The following CPE variants were observed in gnomAD, a reference collection of about 807,000 sequenced individuals.
CPE encodes the protein carbocypeptidase E.
CPE carries 17 observed loss-of-function variants against 53.5 expected under a neutral mutation model. The observed-to-expected ratio is 0.32, with a 90% CI of 0.22 to 0.48. The LOEUF (loss-of-function observed/expected upper bound fraction) is 0.48. CPE is among the 20% of genes least tolerant of loss of function. The pLI is 0.99. For missense variants in CPE, 524 were observed against 614.7 expected (o/e 0.85, Z 1.56); for synonymous variants, 226 against 228.8 (o/e 0.99, Z 0.11).
chr4:165,480,132 T>A (rs1732377796), intron 3 of CPE, among the ~76,000 whole-genome samples: 2 of 152,186 alleles, frequency 1.3e-5, no homozygotes, highest in Admixed American at 6.5e-5. Context: ...ATGCAAACTT[T>A]AAAAATTCTA....
chr4:165,437,375 C>G (rs1484343282), intron 1 of CPE, among the ~76,000 whole-genome samples: 2 of 152,156 alleles, frequency 1.3e-5, no homozygotes, highest in African/African-American at 4.8e-5. Flanking sequence ...TTTTTCAGAG[C>G]CTGCATCCTG....
At position 165,379,392 on chromosome 4, in the gene CPE, C is replaced by G; in HGVS notation, c.171C>G (p.Pro57=). ...TCTCCTTCGAGTACCACCGCTACCC[C>G]GAGCTGCGCGAGGCGCTCGTGTCCG... is the stretch of plus-strand genomic sequence containing the variant. ...DGISFEYHRY[P]ELREALVSVW... is the part of the protein sequence containing the mutation. The change falls in exon 1 of 9, where the codon CCC becomes CCG. Residue 57 remains proline, a synonymous_variant. Transcript: ENST00000402744. The surrounding 1 kb of genome is among the most constrained non-coding windows in gnomAD (Gnocchi z 6.0). 5 of 1,609,328 alleles carry G rather than the reference C, an allele frequency of 3.1e-6. No homozygotes were observed. The highest frequency in any genetic ancestry group is 4.2e-6 in the Non-Finnish European group (5 of 1,178,792).
chr4:165,423,857 T>A lies in CPE; in HGVS notation c.308-40533T>A, dbSNP rs536012371. 5.6e-5 allele frequency among the ~76,000 whole-genome samples: 8 copies of A among 144,050 alleles called. No individual in the cohort carries two copies. In the East Asian group the frequency reaches 1.7e-3, roughly 31 times the overall value. The allele number at this position is 144,050 out of a possible 152,430, so 94.5% of individuals were successfully genotyped here. A position where few individuals can be genotyped will look rare whatever the true frequency, so the allele number is the denominator to read the frequency against. On this transcript the variant is annotated intron_variant, in intron 1 of 8. Transcript: ENST00000402744. The stretch of plus-strand genomic sequence containing the variant: ...CCCTTCCTGTGTCCATATGTTCTCA[T>A]TGTTCAATTCCCACCTATGAGTGAG...
At position 165,464,603 on chromosome 4, in the gene CPE, T is replaced by C; in HGVS notation, c.504+17T>C. 6.3e-7 allele frequency: 1 copy of C among 1,590,790 alleles called. No individual in the cohort carries two copies. The highest frequency in any genetic ancestry group is 1.1e-5 in the South Asian group (1 of 87,488). On this transcript the variant is annotated intron_variant, in intron 2 of 8. Coordinates refer to ENST00000402744, the MANE Select transcript of CPE (RefSeq NM_001873.4). The stretch of plus-strand genomic sequence containing the variant: ...GCGTCTCAGGTGAGTGCCAGGCAGC[T>C]CAGATCAGGCGTGCTTTCTTCATTT...
intron 1 of CPE, among the ~76,000 whole-genome samples, chr4:165,417,885 C>T (rs1731151717): frequency 6.6e-6 from 1 of 151,580 alleles, no homozygotes; most frequent in South Asian, 2.1e-4. Flanking sequence ...AACCATTAGT[C>T]ATTTTCTATT....
chr4:165,424,229 A>G (rs1004776025), intron 1 of CPE, among the ~76,000 whole-genome samples: 2 of 151,826 alleles, frequency 1.3e-5, no homozygotes, highest in Non-Finnish European at 2.9e-5. Context: ...AATTTTGCAT[A>G]ATTAGCTTAC....
At chr4:165,477,839 A>G (rs1400693846) in intron 3 of CPE, among the ~76,000 whole-genome samples, 1 of 152,048 alleles carries the variant, frequency 6.6e-6, no homozygotes, top group African/African-American at 2.4e-5. Context: ...AGCCCTCCAG[A>G]TGCTGGAGGT....
chr4:165,435,308 T>C (rs72703657), intron 1 of CPE, among the ~76,000 whole-genome samples: 6,379 of 152,262 alleles, frequency 0.042, 219 homozygotes, highest in East Asian at 0.16. Flanking sequence ...TATAATGGCT[T>C]TCTGAGAAAG....
At chr4:165,472,285 A>G (rs11940790) in intron 3 of CPE, among the ~76,000 whole-genome samples, 4,044 of 152,292 alleles carry the variant, frequency 0.027, 183 homozygotes, top group African/African-American at 0.093. Flanking sequence ...GTTATCAGCA[A>G]CCTGCATTCA....
intron 1 of CPE, among the ~76,000 whole-genome samples, chr4:165,454,822 T>C (rs1373676695): frequency 3.9e-5 from 6 of 152,242 alleles, no homozygotes; most frequent in South Asian, 2.1e-4. Flanking sequence ...CCATGATTTG[T>C]ATAGGACAGT....
At chr4:165,447,605 GA>G (rs1333641160) in intron 1 of CPE, among the ~76,000 whole-genome samples, 1 of 150,736 alleles carries the variant, frequency 6.6e-6, no homozygotes, top group Non-Finnish European at 1.5e-5. Flanking sequence ...GAAAAGAAAA[GA>G]AATATCTTTA....
chr4:165,391,407 T>C (rs72701670), intron 1 of CPE, among the ~76,000 whole-genome samples: 4,813 of 152,224 alleles, frequency 0.032, 130 homozygotes, highest in South Asian at 0.082. Flanking sequence ...CTCTCATTCA[T>C]GGAACATATT....
intron 1 of CPE, among the ~76,000 whole-genome samples, chr4:165,427,384 C>T (rs1056688677): frequency 7.3e-6 from 1 of 136,898 alleles, no homozygotes; most frequent in African/African-American, 2.7e-5. Flanking sequence ...TTTTGTCCAA[C>T]CTTTTTTTAA....
rs70955613 is a variant in CPE at position 165,385,443 on chromosome 4, C to CTTTTTTTT, written c.307+5926_307+5933dup. Among the ~76,000 whole-genome samples the CTTTTTTTT allele has an allele frequency of 2.8e-5, 3 of 106,986 alleles. 1 individual carries two copies. Among genetic ancestry groups the CTTTTTTTT allele is most frequent in the African/African-American group, 3.9e-5 (1 of 25,412 alleles). The allele number at this position is 106,986 out of a possible 152,430, so 70.2% of individuals were successfully genotyped here. On this transcript the variant is annotated intron_variant, in intron 1 of 8. Coordinates refer to ENST00000402744, the MANE Select transcript of CPE (RefSeq NM_001873.4). ...TTTTATTTTTGTTCACAAATGTTTG[C>CTTTTTTTT]TTTTTTTTTTTTTTTTTTGAGATGG...
Position 165,482,367 on chromosome 4 carries a change from T to G in CPE, c.790+8T>G. 6.5e-7 allele frequency: 1 copy of G among 1,542,996 alleles called. No homozygotes were observed. The highest frequency in any genetic ancestry group is 1.7e-4 in the Middle Eastern group (1 of 5,930). On this transcript the variant is annotated splice_region_variant and intron_variant, in intron 4 of 8. Transcript: ENST00000402744. ...ATGATGAGACGCGGAGTGGTAGGTA[T>G]TCTTTCTGCTTCTCTTATTGGTTCA...
chr4:165,450,842 C>T (rs1422862284), intron 1 of CPE, among the ~76,000 whole-genome samples: 1 of 152,186 alleles, frequency 6.6e-6, no homozygotes, highest in African/African-American at 2.4e-5. Context: ...CCTTTGAATG[C>T]GTGGGCACTC....
intron 1 of CPE, among the ~76,000 whole-genome samples, chr4:165,451,854 G>A (rs946857401): frequency 1.3e-5 from 2 of 151,850 alleles, no homozygotes; most frequent in Admixed American, 6.6e-5. Context: ...ATTGTTCAAG[G>A]TTAAATATAC....
In CPE at chr4:165,387,537, G is replaced by A. The variant is rs1025253298; in HGVS notation, c.307+8009G>A. On this transcript the variant is annotated intron_variant, in intron 1 of 8. Coordinates refer to ENST00000402744, the MANE Select transcript of CPE (RefSeq NM_001873.4). ...CTAAAAAACCTCTTCCTGGCCGGGC[G>A]TGGTGTCTCACACCTGTAATCCTAG... Among the ~76,000 whole-genome samples the A allele has an allele frequency of 7.8e-4, 118 of 152,102 alleles. 6 individuals carry two copies. Among genetic ancestry groups the A allele is most frequent in the South Asian group, 2.1e-4 (1 of 4,830 alleles).
chr4:165,479,789 A>G (rs1301711679), intron 3 of CPE, among the ~76,000 whole-genome samples: 1 of 152,152 alleles, frequency 6.6e-6, no homozygotes, highest in Non-Finnish European at 1.5e-5. Context: ...CAGGAGATCG[A>G]GACCATCCTG....
Sources: allele counts gnomAD v4.1 joint callset (sites outside exome capture counted in the v4.1 genomes callset), GRCh38; gene constraint gnomAD v4.1.1; non-coding constraint Gnocchi (gnomAD v3.1); transcripts MANE v1.5; gene names NCBI Gene and HGNC (gene_info 2026-07-23, HGNC 2026-07-21).